Variants in FOXN3 observed in about 807,000 individuals in gnomAD.
The protein encoded by FOXN3 is forkhead box N3.
FOXN3 carries 7 observed loss-of-function variants against 38.4 expected under a neutral mutation model. The ratio of observed to expected loss-of-function variants is 0.18; its 90% confidence interval spans 0.10 to 0.34. The LOEUF is 0.34. Among genes scored for constraint, FOXN3 ranks in the 10% least tolerant of loss-of-function variants. FOXN3 has a pLI of 1.00. For synonymous variants in FOXN3, 230 were observed against 242.2 expected, an observed-to-expected ratio of 0.95 and a Z score of 0.47; for missense variants, 456 against 613.4, an observed-to-expected ratio of 0.74 and a Z score of 2.71.
intron 1 of FOXN3, among the ~76,000 whole-genome samples, chr14:89,523,019 C>T (rs992064241): frequency 6.6e-6 from 1 of 151,820 alleles, no homozygotes; most frequent in African/African-American, 2.4e-5. Flanking sequence ...GCAAAAGGAT[C>T]GAAGAAGAAA....
intron 4 of FOXN3, among the ~76,000 whole-genome samples, chr14:89,256,025 C>G (rs1036020571): frequency 2.0e-5 from 3 of 152,100 alleles, no homozygotes; most frequent in Non-Finnish European, 4.4e-5. Flanking sequence ...GGAGGTGGGT[C>G]TGACACCAGC....
At chr14:89,505,424 A>G (rs3861652) in intron 1 of FOXN3, among the ~76,000 whole-genome samples, 26,726 of 151,062 alleles carry the variant, frequency 0.18, 5,730 homozygotes, top group African/African-American at 0.53. Flanking sequence ...GCAGGCGCGC[A>G]CCGCCACGCC....
chr14:89,304,348 T>C (rs1044456376), intron 3 of FOXN3, among the ~76,000 whole-genome samples: 3 of 152,044 alleles, frequency 2.0e-5, no homozygotes, highest in African/African-American at 7.2e-5. Context: ...AAATCCAAAA[T>C]GTCCAGTTTG....
intron 3 of FOXN3, among the ~76,000 whole-genome samples, chr14:89,336,173 T>C (rs1051366621): frequency 7.3e-4 from 79 of 107,964 alleles, no homozygotes; most frequent in Non-Finnish European, 1.1e-3. Context: ...CACACACACA[T>C]TCATAATCCT....
intron 1 of FOXN3, among the ~76,000 whole-genome samples, chr14:89,588,336 C>A (rs1409643476): frequency 6.6e-6 from 1 of 152,040 alleles, no homozygotes; most frequent in Non-Finnish European, 1.5e-5. Context: ...TTATAAATTA[C>A]CCGGTCTCAG....
chr14:89,540,815 G>A (rs1894778752), intron 1 of FOXN3, among the ~76,000 whole-genome samples: 1 of 151,268 alleles, frequency 6.6e-6, no homozygotes, highest in South Asian at 2.1e-4. Flanking sequence ...AACATCCAAA[G>A]ACTGCTGCTG....
chr14:89,225,761 C>T (rs769578896), intron 4 of FOXN3, among the ~76,000 whole-genome samples: 2 of 152,142 alleles, frequency 1.3e-5, no homozygotes, highest in African/African-American at 2.4e-5. Context: ...TGCTCTTTTA[C>T]TAACTGGAAA....
intron 1 of FOXN3, among the ~76,000 whole-genome samples, chr14:89,422,627 G>A (rs750561300): frequency 2.0e-5 from 3 of 152,206 alleles, no homozygotes; most frequent in East Asian, 1.9e-4. Flanking sequence ...AAGAGACGGC[G>A]CCCCTCGGCT....
intron 3 of FOXN3, among the ~76,000 whole-genome samples, chr14:89,300,844 T>C (rs1887196460): frequency 6.6e-6 from 1 of 152,220 alleles, no homozygotes; most frequent in African/African-American, 2.4e-5. Context: ...TTGCTCAGGC[T>C]GGAGTGCAGT....
intron 3 of FOXN3, among the ~76,000 whole-genome samples, chr14:89,302,631 G>A (rs944995089): frequency 2.0e-5 from 3 of 152,180 alleles, no homozygotes; most frequent in Non-Finnish European, 4.4e-5. Context: ...AGCACACACA[G>A]GCCACACACC....
At position 89,520,076 on chromosome 14, in the gene FOXN3, C is replaced by T. The variant is rs113802912; in HGVS notation, c.-15+98952G>A. Among the ~76,000 whole-genome samples the T allele has an allele frequency of 2.1e-4, 32 of 150,368 alleles. 1 individual carries two copies. The highest frequency in any genetic ancestry group is 7.6e-4 in the African/African-American group (31 of 40,802). On this transcript the variant is annotated intron_variant, in intron 1 of 6. Coordinates refer to the FOXN3 transcript ENST00000345097. ...TCACCCAGGCTGGAGTGCAGCGGCA[C>T]GAGCGCGGATCACTGCAGCCTCCAC...
Position 89,162,425 on chromosome 14 carries a change from T to C in FOXN3, c.1396A>G (p.Thr466Ala), listed in dbSNP as rs779207955. ...TCAGTGACTTGTTTTTAATTTTTTG[T>C]GGTTTCCTTTTGCTCTTTCTGCCCC... ...AKGQKEQKET[T>A]KN Residue 466 changes from threonine (T) to alanine (A), a missense_variant, in exon 6 of 6, where the codon ACA (threonine) becomes GCA (alanine). This residue lies in a region of FOXN3 where 386 missense variants were observed against 505.2 expected (regional missense o/e 0.76). Transcript: ENST00000557258. The surrounding 1 kb of genome is among the most constrained non-coding windows in gnomAD (Gnocchi z 7.2). The C allele has an allele frequency of 3.9e-6, 6 of 1,553,092 alleles. No homozygotes were observed. The highest frequency in any genetic ancestry group is 4.3e-6 in the Non-Finnish European group (5 of 1,150,400).
rs1888047309 is a variant in FOXN3, at chr14:89,325,362, T to TACCACC, written c.680+25304_680+25309dup. Among the ~76,000 whole-genome samples, 195 of 35,856 alleles carry TACCACC rather than the reference T, an allele frequency of 5.4e-3. 2 individuals are homozygous for TACCACC. Among genetic ancestry groups the TACCACC allele is most frequent in the African/African-American group, 0.018 (167 of 9,298 alleles). 23.5% of individuals were successfully genotyped at this position (35,856 alleles called of 152,430 possible). A position where few individuals can be genotyped will look rare whatever the true frequency, so the allele number is the denominator to read the frequency against. ...CCACCACCACCACCACCACCACCACTACCACCACCGCCACCACCACCATCA... is the reference window on the plus strand; with the variant it reads ...CCACCACCACCACCACCACCACCACTACCACCACCACCACCGCCACCACCACCATCA... On this transcript the variant is annotated intron_variant, in intron 3 of 5. Transcript: ENST00000557258.
intron 3 of FOXN3, among the ~76,000 whole-genome samples, chr14:89,330,450 G>A (rs1888214809): frequency 6.6e-6 from 1 of 152,206 alleles, no homozygotes; most frequent in Non-Finnish European, 1.5e-5. Flanking sequence ...ATCCAAACAT[G>A]TGAAGCAAGA....
At chr14:89,438,121 G>A (rs1352251612) in intron 1 of FOXN3, among the ~76,000 whole-genome samples, 1 of 152,242 alleles carries the variant, frequency 6.6e-6, no homozygotes, top group Admixed American at 6.5e-5. Flanking sequence ...AAATTAAAGT[G>A]TCAATAAAAA....
chr14:89,162,944 G>A lies in FOXN3; in HGVS notation c.877C>T (p.Arg293Trp), dbSNP rs773317819. Residue 293 changes from arginine (R) to tryptophan (W), a missense_variant, in exon 6 of 6, where the codon CGG becomes TGG. Coordinates refer to ENST00000557258, the MANE Select transcript of FOXN3 (RefSeq NM_005197.4). The surrounding 1 kb of genome is among the most constrained non-coding windows in gnomAD (Gnocchi z 7.2). The stretch of plus-strand genomic sequence containing the variant: ...CCACAAGATGGCTCACTCTCAGTCC[G>A]CATCCGGCAGCTGGTGATGCCATTC... ...MRNGITSCRM[R>W]TESEPSCGSP... 3.2e-5 allele frequency: 50 copies of A among 1,567,570 alleles called. No individual in the cohort carries two copies. In the East Asian group the frequency reaches 5.0e-4, roughly 16 times the overall value.
intron 4 of FOXN3, chr14:89,190,423 T>C (rs760503996): frequency 3.7e-6 from 6 of 1,613,928 alleles, no homozygotes; most frequent in Middle Eastern, 1.6e-4. Context: ...AAAAGCATCA[T>C]GGCACTGGCA....
In FOXN3 at chr14:89,494,413, G is replaced by A. The variant is rs546220659; in HGVS notation, c.-14-81923C>T. On this transcript the variant is annotated intron_variant, in intron 1 of 6. Transcript: ENST00000345097. ...ATACATATGGTACACCTGAAAATAC[G>A]GATGGCTGAAATGAGCCGTGGTACC... Among the ~76,000 whole-genome samples, 9 of 152,220 alleles carry A rather than the reference G, an allele frequency of 5.9e-5. No individual in the cohort carries two copies. The East Asian group carries it at 9.6e-4, about 16-fold the overall frequency.
At chr14:89,570,248 C>A (rs574518455) in intron 1 of FOXN3, among the ~76,000 whole-genome samples, 2 of 152,174 alleles carry the variant, frequency 1.3e-5, no homozygotes, top group South Asian at 4.1e-4. Flanking sequence ...ATCCGCCTGC[C>A]TCAGCCTCCC....
Sources: gnomAD v4.1 joint callset for allele counts (sites outside exome capture counted in the v4.1 genomes callset) on GRCh38, gnomAD v4.1.1 for gene constraint, gnomAD v4.1.1 regional missense constraint, Gnocchi (gnomAD v3.1) non-coding constraint, MANE v1.5 for transcripts, NCBI Gene and HGNC (gene_info 2026-07-23, HGNC 2026-07-21) for gene names.